The following ANK2 variants were observed in gnomAD, a reference collection of about 807,000 sequenced individuals.
ANK2 encodes ankyrin 2, also known as ankyrin-2.
Under a neutral mutation model 360.5 loss-of-function variants are expected in ANK2, and 83 were observed. The ratio of observed to expected loss-of-function variants is 0.23; its 90% CI spans 0.19 to 0.28. The LOEUF is 0.28. Ranked by LOEUF, ANK2 falls within the 10% of genes least tolerant of loss-of-function variation. ANK2 has a pLI of 1.00. For synonymous variants in ANK2, 1,740 were observed against 1,759.5 expected, an observed-to-expected ratio of 0.99 and a Z score of 0.28; for missense variants, 4,201 against 4,795.7, an observed-to-expected ratio of 0.88 and a Z score of 3.66.
intron 1 of ANK2, among the ~76,000 whole-genome samples, chr4:113,115,017 G>A (rs2094624627): frequency 6.6e-6 from 1 of 152,180 alleles, no homozygotes; most frequent in Admixed American, 6.5e-5. Context: ...GAAAATGCCA[G>A]ATGGCATTCA....
At chr4:112,892,851 T>G (rs1399261534) in intron 1 of ANK2, among the ~76,000 whole-genome samples, 1 of 152,226 alleles carries the variant, frequency 6.6e-6, no homozygotes, top group Non-Finnish European at 1.5e-5. Context: ...GTTTGATGTC[T>G]GCAAAACCAA....
At chr4:113,300,496 C>T (rs772598743) in intron 22 of ANK2, among the ~76,000 whole-genome samples, 3 of 152,190 alleles carry the variant, frequency 2.0e-5, no homozygotes, top group East Asian at 1.9e-4. Context: ...TTAAATGACT[C>T]ACACTCTCAT....
chr4:112,871,828 T>C (rs1019612449), intron 1 of ANK2, among the ~76,000 whole-genome samples: 5 of 152,208 alleles, frequency 3.3e-5, no homozygotes, highest in African/African-American at 1.2e-4. Flanking sequence ...TTTTGTTAAA[T>C]ATCTTTCTGT....
At chr4:113,248,910 T>C (rs973688649) in intron 9 of ANK2, among the ~76,000 whole-genome samples, 1 of 152,196 alleles carries the variant, frequency 6.6e-6, no homozygotes, top group Non-Finnish European at 1.5e-5. Flanking sequence ...CTCTCTCACT[T>C]CTTGCTCACT....
intron 1 of ANK2, among the ~76,000 whole-genome samples, chr4:112,837,834 T>C (rs538437774): frequency 6.6e-6 from 1 of 152,242 alleles, no homozygotes; most frequent in Non-Finnish European, 1.5e-5. Flanking sequence ...CCTCATTGTA[T>C]CTTGGAAATA....
At chr4:112,939,963 A>G (rs2094082673) in intron 2 of ANK2, among the ~76,000 whole-genome samples, 2 of 152,192 alleles carry the variant, frequency 1.3e-5, no homozygotes, top group African/African-American at 4.8e-5. Context: ...AATGAAAAAT[A>G]CCATTTGGTA....
upstream of ANK2, among the ~76,000 whole-genome samples, chr4:113,048,266 ATATATATATATTTTTTTTTTTTTTTT>A (rs1215464978): frequency 1.2e-5 from 1 of 82,772 alleles, no homozygotes; most frequent in African/African-American, 7.9e-5. Flanking sequence ...ATATATATAT[ATATATATATATTTTTTTTTTTTTTTT>A]TTTTTTTTTT....
chr4:112,775,280 A>G, the ANK2 span, among the ~76,000 whole-genome samples: 1 of 152,140 alleles, frequency 6.6e-6, no homozygotes, highest in Non-Finnish European at 1.5e-5. Flanking sequence ...GCACTTTTGG[A>G]GGCCGAGGCA....
intron 32 of ANK2, among the ~76,000 whole-genome samples, chr4:113,339,524 C>A (rs182128898): frequency 2.4e-4 from 36 of 152,260 alleles, no homozygotes; most frequent in African/African-American, 8.2e-4. Context: ...ATTACCAATC[C>A]GATTAAAATC....
intron 35 of ANK2, 103 bp downstream of exon 35, chr4:113,346,125 T>C: frequency 7.4e-7 from 1 of 1,353,350 alleles, no homozygotes; most frequent in Non-Finnish European, 1.1e-6. Flanking sequence ...AGCAATTGCT[T>C]TTGCACTGAC....
chr4:112,740,674 C>G, the ANK2 span, among the ~76,000 whole-genome samples: 5 of 151,726 alleles, frequency 3.3e-5, no homozygotes, highest in Non-Finnish European at 5.9e-5. Context: ...TTCACGTCAG[C>G]CTGGGCAACA....
At chr4:112,932,597 T>C (rs1184203943) in intron 2 of ANK2, among the ~76,000 whole-genome samples, 1 of 151,032 alleles carries the variant, frequency 6.6e-6, no homozygotes, top group African/African-American at 2.4e-5. Context: ...GTAAAGAGTA[T>C]AAGTTTTAGT....
chr4:112,863,314 AATTT>A (rs1373187651), intron 1 of ANK2, among the ~76,000 whole-genome samples: 9 of 152,098 alleles, frequency 5.9e-5, no homozygotes, highest in South Asian at 2.1e-4. Flanking sequence ...AGATGTTGGT[AATTT>A]ATTTATCTTT....
chr4:113,110,599 G>A (rs1367163008), intron 1 of ANK2, among the ~76,000 whole-genome samples: 1 of 152,100 alleles, frequency 6.6e-6, no homozygotes, highest in Non-Finnish European at 1.5e-5. Flanking sequence ...CATAAAAATT[G>A]CCAAGTACGC....
chr4:113,020,232 C>T (rs1260149911), intron 2 of ANK2, among the ~76,000 whole-genome samples: 1 of 151,986 alleles, frequency 6.6e-6, no homozygotes, highest in African/African-American at 2.4e-5. Context: ...TGCCCAAGGC[C>T]GGAGTATGTA....
chr4:113,314,643 T>C (rs562796716), intron 24 of ANK2, among the ~76,000 whole-genome samples: 3 of 152,344 alleles, frequency 2.0e-5, no homozygotes, highest in African/African-American at 4.8e-5. Context: ...CAATTTCTGA[T>C]CCAAGGGCTT....
chr4:113,160,318 A>T (rs1156276713), intron 1 of ANK2: 3 of 416,442 alleles, frequency 7.2e-6, no homozygotes, highest in African/African-American at 2.1e-5. Flanking sequence ...CTCTTGCTTC[A>T]GCCTCTCAAA....
chr4:113,165,345 T>C (rs567267650), intron 1 of ANK2, among the ~76,000 whole-genome samples: 2 of 152,318 alleles, frequency 1.3e-5, no homozygotes, highest in East Asian at 1.9e-4. Context: ...ATATCCAATG[T>C]GGAGCTGTAA....
chr4:113,239,680 TC>T (rs2099409677), intron 7 of ANK2, among the ~76,000 whole-genome samples: 1 of 152,196 alleles, frequency 6.6e-6, no homozygotes, highest in East Asian at 1.9e-4. Flanking sequence ...TATATTTTTT[TC>T]ATTTGATAAT....
Sources: gnomAD v4.1 joint callset for allele counts (sites outside exome capture counted in the v4.1 genomes callset) on GRCh38, gnomAD v4.1.1 for gene constraint, MANE v1.5 for transcripts, NCBI Gene and HGNC (gene_info 2026-07-23, HGNC 2026-07-21) for gene names.